Variants in CEP295 observed in about 807,000 individuals in gnomAD.
CEP295 encodes centrosomal protein 295, also known as centrosomal protein of 295 kDa.
In CEP295, 190 loss-of-function variants were observed where a neutral mutation model predicts 291.6. The ratio of observed to expected loss-of-function variants is 0.65; its 90% CI spans 0.58 to 0.73. The LOEUF (loss-of-function observed/expected upper bound fraction) is 0.73. CEP295 is among the 30% of genes least tolerant of loss of function. The pLI is 0.00. For missense variants in CEP295, 2,863 were observed against 2,949.4 expected (o/e 0.97, Z 0.68); for synonymous variants, 993 against 1,038.8 (o/e 0.96, Z 0.85).
Position 93,687,861 on chromosome 11 carries a change from A to G in CEP295, c.1332A>G (p.Glu444=). 4.5e-6 allele frequency: 7 copies of G among 1,546,940 alleles called. No homozygotes were observed. The highest frequency in any genetic ancestry group is 1.7e-4 in the Middle Eastern group (1 of 5,962). ...AGAGAACGTTATCCTCTGGGCAGGA[A>G]CAAGGTATTTCTCTCCAAGAGTCTC... ...SKERTLSSGQ[E]QVVESDTLTI... The change falls in exon 10 of 30, where the codon GAA becomes GAG. Residue 444 remains glutamate, a synonymous_variant. Transcript: ENST00000325212.
rs149405015 is a variant in CEP295 at position 93,716,764 on chromosome 11, C to T, written c.5750-4548C>T. 1.6e-4 allele frequency among the ~76,000 whole-genome samples: 24 copies of T among 152,288 alleles called. No individual in the cohort carries two copies. The East Asian group carries it at 4.6e-3, about 29-fold the overall frequency. On this transcript the variant is annotated intron_variant, in intron 18 of 29. Coordinates refer to ENST00000325212, the MANE Select transcript of CEP295 (RefSeq NM_033395.2). ...GTTCATAACTCAGGATTGCACATGA[C>T]CATCGCTGTGCAACCCAGATGCCCA...
At chr11:93,694,209 G>T (rs1264959232) in intron 12 of CEP295, among the ~76,000 whole-genome samples, 1 of 152,116 alleles carries the variant, frequency 6.6e-6, no homozygotes, top group South Asian at 2.1e-4. Flanking sequence ...AGAAAACAAC[G>T]TGCATTCCTT....
chr11:93,675,545 C>G (rs1253273758), intron 5 of CEP295, 26 bp from the exon 6 acceptor site: 3 of 1,262,122 alleles, frequency 2.4e-6, no homozygotes, highest in African/African-American at 3.1e-5. Flanking sequence ...TGCTTTTAAC[C>G]TATTTTTTTA....
intron 7 of CEP295, 108 bp downstream of exon 7, chr11:93,679,660 T>C (rs7115759): frequency 0.1 from 89,761 of 856,388 alleles, 5,137 homozygotes; most frequent in East Asian, 0.21. Flanking sequence ...GGGTGTTCAA[T>C]ATAGTCTCTG....
intron 18 of CEP295, among the ~76,000 whole-genome samples, chr11:93,710,169 T>A (rs1051866927): frequency 3.9e-5 from 6 of 152,190 alleles, no homozygotes; most frequent in African/African-American, 1.4e-4. Context: ...ACCATTAATA[T>A]GTTGAGTAAC....
chr11:93,728,812 CTT>C lies in CEP295; in HGVS notation c.7294_7295del (p.Phe2432LeufsTer5). On this transcript the variant is annotated frameshift_variant, in exon 25 of 30. Coordinates refer to ENST00000325212, the MANE Select transcript of CEP295 (RefSeq NM_033395.2). LOFTEE classifies it high-confidence loss of function. ...EEKSENEAKCFFQVSEFLPLV... is the reference protein window; with the variant it reads ...EEKSENEAKCXFQVSEFLPLV... ...AGAAGAGCGAGAATGAAGCAAAATG[CTT>C]CTTTCAGGTAAATTTAAGCTTTCCT... 6.5e-7 allele frequency: 1 copy of C among 1,538,030 alleles called. No individual in the cohort carries two copies. The highest frequency in any genetic ancestry group is 8.7e-7 in the Non-Finnish European group (1 of 1,143,754).
intron 12 of CEP295, among the ~76,000 whole-genome samples, chr11:93,693,857 T>TAC (rs1951719208): frequency 6.6e-6 from 1 of 152,276 alleles, no homozygotes; most frequent in Non-Finnish European, 1.5e-5. Context: ...TATATCTATG[T>TAC]ACAGTATGTA....
chr11:93,681,181 C>G (rs1193148428), intron 7 of CEP295, among the ~76,000 whole-genome samples: 1 of 151,822 alleles, frequency 6.6e-6, no homozygotes. Context: ...CTTCACCACT[C>G]AGCTGTTTGA....
intron 16 of CEP295, 66 bp downstream of exon 16, chr11:93,702,703 T>C: frequency 6.5e-7 from 1 of 1,532,606 alleles, no homozygotes; most frequent in South Asian, 1.2e-5. Context: ...CCCTGTAGCT[T>C]GCTAGTTGAA....
rs547788611 is a variant in CEP295 at position 93,729,134 on chromosome 11, C to A, written c.7303-300C>A. On this transcript the variant is annotated intron_variant, in intron 25 of 29. Coordinates refer to ENST00000325212, the MANE Select transcript of CEP295 (RefSeq NM_033395.2). ...CAGATATTGAAAAATGACTTCAGAA[C>A]AACTGGTAATTTTACTAGGGGAGTA... is the stretch of plus-strand genomic sequence containing the variant. 89 of 496,890 alleles carry A rather than the reference C, an allele frequency of 1.8e-4. 1 individual carries two copies. Among genetic ancestry groups the A allele is most frequent in the Non-Finnish European group, 1.8e-5 (5 of 282,124 alleles). 30.8% of individuals were successfully genotyped at this position (496,890 alleles called of 1,614,324 possible).
rs1938224722 is a variant in CEP295 at position 93,730,042 on chromosome 11, T to A, written c.7668-7T>A. The A allele has an allele frequency of 6.5e-7, 1 of 1,534,136 alleles. No individual in the cohort carries two copies. The highest frequency in any genetic ancestry group is 8.8e-7 in the Non-Finnish European group (1 of 1,140,680). On this transcript the variant is annotated splice_polypyrimidine_tract_variant and splice_region_variant and intron_variant, in intron 28 of 29. Coordinates refer to ENST00000325212, the MANE Select transcript of CEP295 (RefSeq NM_033395.2). ...TTTGTCTCTAATTCTATATAAATTC[T>A]TTACAGGTTATACAATCAACTAGCT...
At chr11:93,687,938 A>T in intron 10 of CEP295, 73 bp downstream of exon 10, 1 of 1,065,468 alleles carries the variant, frequency 9.4e-7, no homozygotes, top group Non-Finnish European at 1.3e-6. Context: ...TTTCTGAAAA[A>T]TCAAAGAATA....
Position 93,683,572 on chromosome 11 carries a change from T to G in CEP295, c.779T>G (p.Leu260Arg). 6.6e-7 allele frequency: 1 copy of G among 1,507,954 alleles called. No homozygotes were observed. The allele number at this position is 1,507,954 out of a possible 1,614,324, so 93.4% of individuals were successfully genotyped here. A position where few individuals can be genotyped will look rare whatever the true frequency, so the allele number is the denominator to read the frequency against. Residue 260 changes from leucine (L) to arginine (R), a missense_variant, in exon 8 of 30, where the codon CTA becomes CGA. By Grantham distance (102) the Leu-to-Arg change is moderately radical. Around this residue, in one of 3 missense-constraint regions of CEP295, gnomAD observed 554 missense variants for 576.0 expected, o/e 0.96. Coordinates refer to ENST00000325212, the MANE Select transcript of CEP295 (RefSeq NM_033395.2). Reference protein sequence around the residue: ...KIHLAQNQEKLMKELKQLQQE... With the variant: ...KIHLAQNQEKRMKELKQLQQE... ...TTATTCTTGAAGAATCAGGAGAAAC[T>G]AATGAAAGAACTCAAACAGCTACAG...
At chr11:93,722,751 C>A in intron 20 of CEP295, 1 of 268,210 alleles carries the variant, frequency 3.7e-6, no homozygotes, top group African/African-American at 2.2e-5. Context: ...TATAGTGTCG[C>A]TGTCAATTAC....
In CEP295 at chr11:93,683,574, A is replaced by T; in HGVS notation, c.781A>T (p.Met261Leu). Reference sequence around the variant, plus strand: ...ATTCTTGAAGAATCAGGAGAAACTAATGAAAGAACTCAAACAGCTACAGCA... The same window carrying T: ...ATTCTTGAAGAATCAGGAGAAACTATTGAAAGAACTCAAACAGCTACAGCA... Reference protein sequence around the residue: ...IHLAQNQEKLMKELKQLQQED... With the variant: ...IHLAQNQEKLLKELKQLQQED... Residue 261 changes from methionine (M) to leucine (L), a missense_variant, in exon 8 of 30, where the codon ATG (methionine) becomes TTG (leucine). Physicochemically the swap from Met to Leu is conservative, Grantham distance 15 (BLOSUM62 2). Transcript: ENST00000325212. 6.6e-7 allele frequency: 1 copy of T among 1,508,668 alleles called. No homozygotes were observed. Among genetic ancestry groups the T allele is most frequent in the East Asian group, 2.5e-5 (1 of 39,822 alleles). 93.5% of individuals were successfully genotyped at this position (1,508,668 alleles called of 1,614,324 possible).
Position 93,698,994 on chromosome 11 carries a change from A to C in CEP295, c.4082A>C (p.Gln1361Pro). ...GCACTTCAAGAACAGTTAGCTACAC[A>C]GAGAGAAGCCATCATTCTAGCTAGA... Reference protein sequence around the residue: ...LKALQEQLATQREAIILARQE... With the variant: ...LKALQEQLATPREAIILARQE... Residue 1361 changes from glutamine to proline, a missense_variant, in exon 15 of 30, where the codon CAG (glutamine) becomes CCG (proline). This residue lies in a region of CEP295 where 2,295 missense variants were observed against 2,335.7 expected (regional missense o/e 0.98). Transcript: ENST00000325212. 2.6e-6 allele frequency: 4 copies of C among 1,549,570 alleles called. No individual in the cohort carries two copies. Among genetic ancestry groups the C allele is most frequent in the Non-Finnish European group, 3.5e-6 (4 of 1,147,018 alleles).
intron 10 of CEP295, among the ~76,000 whole-genome samples, chr11:93,691,018 G>A (rs147381837): frequency 0.013 from 1,922 of 152,166 alleles, 37 homozygotes; most frequent in African/African-American, 0.042. Flanking sequence ...ATCTTGCCCA[G>A]ATTTATTATA....
intron 18 of CEP295, among the ~76,000 whole-genome samples, chr11:93,720,062 T>A (rs1220134567): frequency 4.8e-5 from 7 of 144,768 alleles, no homozygotes; most frequent in Non-Finnish European, 4.5e-5. Flanking sequence ...TAGAAAGCTG[T>A]AAAAAAAAAA....
Position 93,698,490 on chromosome 11 carries a change from T to C in CEP295, c.3578T>C (p.Leu1193Ser). Residue 1193 changes from leucine (L) to serine (S), a missense_variant, in exon 15 of 30, where the codon TTG (leucine) becomes TCG (serine). By Grantham distance (145) the Leu-to-Ser change is moderately radical. This residue lies in a region of CEP295 where 2,295 missense variants were observed against 2,335.7 expected (regional missense o/e 0.98). Transcript: ENST00000325212. ...TQEFVHTESELEKRISSEQTG... is the reference protein window; with the variant it reads ...TQEFVHTESESEKRISSEQTG... ...GAATTTGTACACACAGAAAGTGAAT[T>C]GGAGAAAAGAATTTCTTCTGAACAG... The C allele has an allele frequency of 6.4e-7, 1 of 1,551,984 alleles. No homozygotes were observed.
Sources: allele counts gnomAD v4.1 joint callset (sites outside exome capture counted in the v4.1 genomes callset), GRCh38; gene constraint gnomAD v4.1.1; regional missense constraint gnomAD v4.1.1; transcripts MANE v1.5; gene names NCBI Gene and HGNC (gene_info 2026-07-23, HGNC 2026-07-21).